RARB: variants seen among roughly 807,000 people sequenced by gnomAD.
RARB encodes retinoic acid receptor beta, also known as HBV-activated protein.
In RARB, 17 loss-of-function variants were observed where a neutral mutation model predicts 51.9. The ratio of observed to expected loss-of-function variants is 0.33; its 90% CI spans 0.22 to 0.49. The LOEUF (loss-of-function observed/expected upper bound fraction) is 0.49. Ranked by LOEUF, RARB falls within the 20% of genes least tolerant of loss-of-function variation. The pLI is 0.99. For missense variants in RARB, 369 were observed against 550.8 expected, an observed-to-expected ratio of 0.67 and a Z score of 3.30; for synonymous variants, 215 against 195.4, an observed-to-expected ratio of 1.10 and a Z score of -0.84.
intron 4 of RARB, among the ~76,000 whole-genome samples, chr3:25,573,191 C>T (rs533867771): frequency 6.6e-6 from 1 of 152,158 alleles, no homozygotes; most frequent in African/African-American, 2.4e-5. Context: ...TCCTTCCCTG[C>T]CCACTCTGTT....
rs147887526 is a variant in RARB, at chr3:25,056,450, C to T, written c.-379-3675C>T. ...ACATTGACTGTCTAAAATAAATGAC[C>T]TTAATATGTGCATAAATATTGTTTG... On this transcript the variant is annotated intron_variant, in intron 2 of 11. Transcript: ENST00000383772. Among the ~76,000 whole-genome samples the T allele has an allele frequency of 1.9e-3, 291 of 152,242 alleles. 1 individual carries two copies. Among genetic ancestry groups the T allele is most frequent in the African/African-American group, 6.8e-3 (283 of 41,542 alleles).
intron 2 of RARB, among the ~76,000 whole-genome samples, chr3:24,985,575 A>G (rs1158144253): frequency 6.6e-6 from 1 of 152,204 alleles, no homozygotes; most frequent in Non-Finnish European, 1.5e-5. Context: ...AATACAAAAC[A>G]CATGTCAAGA....
intron 5 of RARB, among the ~76,000 whole-genome samples, chr3:25,371,521 G>T (rs1256520498): frequency 6.6e-6 from 1 of 152,154 alleles, no homozygotes; most frequent in East Asian, 1.9e-4. Flanking sequence ...GCTGATTATT[G>T]AATTAATGAA....
At chr3:25,200,481 C>A (rs957626895) in intron 5 of RARB, among the ~76,000 whole-genome samples, 1 of 152,004 alleles carries the variant, frequency 6.6e-6, no homozygotes, top group African/African-American at 2.4e-5. Context: ...CTTTTGTTGC[C>A]ATTGCTTTTG....
chr3:25,208,513 T>G (rs1013980975), intron 5 of RARB, among the ~76,000 whole-genome samples: 4 of 152,186 alleles, frequency 2.6e-5, no homozygotes, highest in Admixed American at 1.3e-4. Flanking sequence ...CTTAGGAGAA[T>G]AGCCCCAAAA....
intron 5 of RARB, among the ~76,000 whole-genome samples, chr3:25,350,400 A>T (rs2125456818): frequency 6.6e-6 from 1 of 152,292 alleles, no homozygotes; most frequent in East Asian, 1.9e-4. Flanking sequence ...CTTCCCAAAG[A>T]GGGAATAGTG....
chr3:25,216,975 T>C (rs1005360303), intron 5 of RARB, among the ~76,000 whole-genome samples: 2 of 152,100 alleles, frequency 1.3e-5, no homozygotes, highest in African/African-American at 2.4e-5. Flanking sequence ...ATCTAGAGAC[T>C]TAATGACATC....
In RARB at chr3:24,901,311, A is replaced by G. The variant is rs574819099; in HGVS notation, c.-380+42559A>G. 2.0e-5 allele frequency among the ~76,000 whole-genome samples: 3 copies of G among 152,358 alleles called. No homozygotes were observed. In the South Asian group the frequency reaches 6.2e-4, roughly 32 times the overall value. Reference sequence around the variant, plus strand: ...ACATAAAGCAATTAAGAATTTCTTCAAAGAAAATAGAGGGAAAGAAGGCAT... The same window carrying G: ...ACATAAAGCAATTAAGAATTTCTTCGAAGAAAATAGAGGGAAAGAAGGCAT... On this transcript the variant is annotated intron_variant, in intron 2 of 11. Transcript: ENST00000383772.
intron 2 of RARB, among the ~76,000 whole-genome samples, chr3:25,018,943 A>C (rs1182264384): frequency 6.6e-6 from 1 of 152,204 alleles, no homozygotes. Flanking sequence ...AGTTTATGCT[A>C]CTAACCCAAA....
chr3:25,264,967 C>T (rs1703090719), intron 5 of RARB, among the ~76,000 whole-genome samples: 1 of 152,104 alleles, frequency 6.6e-6, no homozygotes. Flanking sequence ...TTGGGAGGTA[C>T]TTATGTCACA....
At chr3:25,589,480 CGCA>C (rs1701530063) in intron 5 of RARB, among the ~76,000 whole-genome samples, 1 of 152,118 alleles carries the variant, frequency 6.6e-6, no homozygotes, top group African/African-American at 2.4e-5. Context: ...GTGGATTGAC[CGCA>C]TAGTACTCGA....
chr3:25,422,384 G>A (rs1391997887), intron 5 of RARB, among the ~76,000 whole-genome samples: 1 of 152,116 alleles, frequency 6.6e-6, no homozygotes, highest in Non-Finnish European at 1.5e-5. Flanking sequence ...AAATTCACGT[G>A]GAATAGCATA....
At chr3:25,199,332 G>T (rs1701332666) in intron 5 of RARB, among the ~76,000 whole-genome samples, 1 of 151,962 alleles carries the variant, frequency 6.6e-6, no homozygotes, top group African/African-American at 2.4e-5. Context: ...TGGGGGAAGT[G>T]GGGATGGTTA....
intron 1 of RARB, among the ~76,000 whole-genome samples, chr3:25,433,510 T>G (rs1708292490): frequency 6.6e-6 from 1 of 152,190 alleles, no homozygotes; most frequent in South Asian, 2.1e-4. Context: ...TGTGTGTGCG[T>G]GGACAGGGTG....
At chr3:25,023,083 C>T (rs921365351) in intron 2 of RARB, among the ~76,000 whole-genome samples, 1 of 152,176 alleles carries the variant, frequency 6.6e-6, no homozygotes, top group Non-Finnish European at 1.5e-5. Flanking sequence ...TAGGCAGCTA[C>T]TCTAATAGCC....
rs375576833 is a variant in RARB at position 25,461,150 on chromosome 3, T to C, written c.158-43T>C. 21 of 1,505,600 alleles carry C rather than the reference T, an allele frequency of 1.4e-5. No individual in the cohort carries two copies. The African/African-American group carries it at 2.8e-4, about 20-fold the overall frequency. The allele number at this position is 1,505,600 out of a possible 1,614,324, so 93.3% of individuals were successfully genotyped here. On this transcript the variant is annotated intron_variant, in intron 1 of 7. Coordinates refer to ENST00000330688, the MANE Select transcript of RARB (RefSeq NM_000965.5). ...TGTTGAAAAAAGTAATGAACTAAAA[T>C]ACATTTTCTCTTTTTTCTCCCTCTA...
At chr3:25,063,076 G>A (rs1698582527) in intron 3 of RARB, among the ~76,000 whole-genome samples, 1 of 151,900 alleles carries the variant, frequency 6.6e-6, no homozygotes, top group African/African-American at 2.4e-5. Flanking sequence ...GCTTCTTAGA[G>A]ACAAGGAATA....
chr3:25,074,765 C>T (rs1698838059), intron 3 of RARB, among the ~76,000 whole-genome samples: 1 of 152,130 alleles, frequency 6.6e-6, no homozygotes, highest in Non-Finnish European at 1.5e-5. Context: ...AATGTGATTC[C>T]TACCAGCCTC....
At chr3:25,549,619 T>C (rs1222623318) in intron 3 of RARB, among the ~76,000 whole-genome samples, 1 of 152,084 alleles carries the variant, frequency 6.6e-6, no homozygotes, top group Admixed American at 6.5e-5. Flanking sequence ...GAAACATTAG[T>C]GCTTTTTATT....
Sources: gnomAD v4.1 joint callset for allele counts (sites outside exome capture counted in the v4.1 genomes callset) on GRCh38, gnomAD v4.1.1 for gene constraint, MANE v1.5 for transcripts, NCBI Gene and HGNC (gene_info 2026-07-23, HGNC 2026-07-21) for gene names.